Variants in SPDL1 observed in about 807,000 individuals in gnomAD.
SPDL1 encodes the protein spindle apparatus coiled-coil protein 1, also known as protein Spindly.
In SPDL1, 85 loss-of-function variants were observed where a neutral mutation model predicts 79.5. The ratio of observed to expected loss-of-function variants is 1.07; its 90% confidence interval spans 0.90 to 1.28. The LOEUF (loss-of-function observed/expected upper bound fraction) is 1.28. Ranked by LOEUF, SPDL1 falls within the 50% of genes most tolerant of loss-of-function variation. The pLI, the probability that SPDL1 is intolerant of heterozygous loss-of-function variation, is 0.00. For synonymous variants in SPDL1, 269 were observed against 240.3 expected (o/e 1.12, Z -1.10); for missense variants, 703 against 697.8 (o/e 1.01, Z -0.08).
chr5:169,592,506 C>T (rs932918978), intron 3 of SPDL1, among the ~76,000 whole-genome samples: 5 of 152,060 alleles, frequency 3.3e-5, no homozygotes, highest in African/African-American at 7.2e-5. Flanking sequence ...TGAGCCACTG[C>T]GCCTGGCCAA....
intron 10 of SPDL1, 27 bp from the exon 11 acceptor site, chr5:169,601,253 C>T (rs1230086440): frequency 2.6e-6 from 4 of 1,563,548 alleles, no homozygotes; most frequent in South Asian, 1.2e-5. Flanking sequence ...TAGATTTTTT[C>T]TTTTCCCCAC....
intron 3 of SPDL1, among the ~76,000 whole-genome samples, chr5:169,592,377 C>T (rs991514291): frequency 1.3e-5 from 2 of 151,750 alleles, no homozygotes; most frequent in Non-Finnish European, 2.9e-5. Flanking sequence ...GCCACCACGC[C>T]CAGCTAATTT....
chr5:169,591,239 G>A lies in SPDL1; in HGVS notation c.336+15G>A, dbSNP rs369828167. On this transcript the variant is annotated intron_variant, in intron 3 of 11. Coordinates refer to ENST00000265295, the MANE Select transcript of SPDL1 (RefSeq NM_017785.5). ...TAAAAACTAAGGTTGGGATATCTGCGTATTTCAGCACAAAATATTCCATAT... is the reference window on the plus strand; with the variant it reads ...TAAAAACTAAGGTTGGGATATCTGCATATTTCAGCACAAAATATTCCATAT... 19 of 1,605,472 alleles carry A rather than the reference G, an allele frequency of 1.2e-5. No individual in the cohort carries two copies. The African/African-American group carries it at 1.7e-4, about 15-fold the overall frequency.
intron 11 of SPDL1, among the ~76,000 whole-genome samples, chr5:169,602,224 A>G (rs763644061): frequency 4.6e-5 from 7 of 152,258 alleles, no homozygotes; most frequent in Non-Finnish European, 7.3e-5. Flanking sequence ...GAAGGAATTA[A>G]TGTCCCAAGG....
intron 11 of SPDL1, chr5:169,602,111 T>TATCAAA (rs1227110770): frequency 2.2e-5 from 4 of 180,764 alleles, no homozygotes; most frequent in Non-Finnish European, 4.7e-5. Flanking sequence ...CATTTTTACA[T>TATCAAA]ATCAAAGCTA....
chr5:169,599,163 T>C lies in SPDL1; in HGVS notation c.1324+4T>C. The C allele has an allele frequency of 7.0e-7, 1 of 1,424,072 alleles. No homozygotes were observed. The highest frequency in any genetic ancestry group is 9.5e-7 in the Non-Finnish European group (1 of 1,051,566). The allele number at this position is 1,424,072 out of a possible 1,614,324, so 88.2% of individuals were successfully genotyped here. On this transcript the variant is annotated splice_donor_region_variant and intron_variant, in intron 10 of 11. Coordinates refer to ENST00000265295, the MANE Select transcript of SPDL1 (RefSeq NM_017785.5). The stretch of plus-strand genomic sequence containing the variant: ...AAACTAAAATATGAACCTGAAGGTA[T>C]ATATGTCTCATATATTTTTGTCTTT...
At chr5:169,591,259 C>A in intron 3 of SPDL1, 35 bp downstream of exon 3, 1 of 1,585,582 alleles carries the variant, frequency 6.3e-7, no homozygotes, top group South Asian at 1.1e-5. Flanking sequence ...ACAAAATATT[C>A]CATATTTATG....
chr5:169,598,911 A>G, intron 9 of SPDL1, 61 bp from the exon 10 acceptor site: 1 of 1,482,144 alleles, frequency 6.7e-7, no homozygotes. Context: ...AAATATTTAT[A>G]CCACTACACT....
Position 169,588,566 on chromosome 5 carries a change from C to A in SPDL1, c.150C>A (p.Thr50=). The A allele has an allele frequency of 6.2e-7, 1 of 1,611,592 alleles. No homozygotes were observed. The highest frequency in any genetic ancestry group is 1.1e-5 in the South Asian group (1 of 90,488). ...QLDKCRNEMM[T]MTESYEQEKY... is the part of the protein sequence containing the mutation. ...ATAAATGTCGTAATGAAATGATGACCATGACTGAGGTAGGACTCTGGACTC... is the reference window on the plus strand; with the variant it reads ...ATAAATGTCGTAATGAAATGATGACAATGACTGAGGTAGGACTCTGGACTC... The change falls in exon 2 of 12, where the codon ACC becomes ACA. Residue 50 remains threonine (T), a synonymous_variant. Coordinates refer to ENST00000265295, the MANE Select transcript of SPDL1 (RefSeq NM_017785.5).
Position 169,596,630 on chromosome 5 carries a change from G to C in SPDL1, c.961G>C (p.Ala321Pro). 6.2e-7 allele frequency: 1 copy of C among 1,608,060 alleles called. No individual in the cohort carries two copies. The highest frequency in any genetic ancestry group is 1.1e-5 in the South Asian group (1 of 89,784). Residue 321 changes from alanine (A) to proline (P), a missense_variant, in exon 8 of 12, where the codon GCC (alanine) becomes CCC (proline). Ala to Pro is a conservative substitution (Grantham distance 27). Coordinates refer to ENST00000265295, the MANE Select transcript of SPDL1 (RefSeq NM_017785.5). Reference protein sequence around the residue: ...TEFEQQERLLAMLEQKNGEIK... With the variant: ...TEFEQQERLLPMLEQKNGEIK... ...ATTTGAGCAGCAGGAACGGTTGCTT[G>C]CCATGTTGGAGCAGAAGAATGGTGA...
rs1383238127 is a variant in SPDL1 at position 169,598,580 on chromosome 5, G to T, written c.1136+1G>T. 1.3e-6 allele frequency: 2 copies of T among 1,598,834 alleles called. No homozygotes were observed. The highest frequency in any genetic ancestry group is 1.1e-5 in the South Asian group (1 of 90,710). The stretch of plus-strand genomic sequence containing the variant: ...TTCAGATGAAGCTGGATAACTTAAA[G>T]TAAGTGTCTGGGTTGGTGGATGGAA... On this transcript the variant is annotated splice_donor_variant, in intron 9 of 11. Coordinates refer to ENST00000265295, the MANE Select transcript of SPDL1 (RefSeq NM_017785.5). LOFTEE classifies it high-confidence loss of function.
At chr5:169,599,966 A>G (rs187420697) in intron 10 of SPDL1, among the ~76,000 whole-genome samples, 2 of 152,284 alleles carry the variant, frequency 1.3e-5, no homozygotes, top group Admixed American at 6.5e-5. Context: ...AATATCTAGC[A>G]AGTCTAATGA....
chr5:169,599,623 G>C (rs184648608), intron 10 of SPDL1, among the ~76,000 whole-genome samples: 2 of 152,122 alleles, frequency 1.3e-5, no homozygotes, highest in Non-Finnish European at 2.9e-5. Context: ...AGCACTCCAC[G>C]GTATCAAGAT....
chr5:169,598,610 G>T, intron 9 of SPDL1, 31 bp downstream of exon 9: 1 of 1,519,316 alleles, frequency 6.6e-7, no homozygotes, highest in South Asian at 1.1e-5. Flanking sequence ...ATGGAAAGAT[G>T]AACATGTCAC....
In SPDL1 at chr5:169,604,483, A is replaced by G. The variant is rs1432992370; in HGVS notation, c.*276A>G. The G allele has an allele frequency of 5.0e-6, 1 of 199,584 alleles. No individual in the cohort carries two copies. The highest frequency in any genetic ancestry group is 6.0e-5 in the Admixed American group (1 of 16,764). 12.4% of individuals were successfully genotyped at this position (199,584 alleles called of 1,614,324 possible). A position where few individuals can be genotyped will look rare whatever the true frequency, so the allele number is the denominator to read the frequency against. On this transcript the variant is annotated 3_prime_UTR_variant, in exon 12 of 12. Transcript: ENST00000265295. ...TTAATGTATCTATTTGCTGCATTGT[A>G]TATGGATTAAATGATAAAAAACAAG...
intron 11 of SPDL1, chr5:169,602,159 GT>G: frequency 5.9e-6 from 1 of 168,142 alleles, no homozygotes; most frequent in Non-Finnish European, 1.3e-5. Flanking sequence ...AAAGCCTCTA[GT>G]TTCTGCATAA....
intron 1 of SPDL1, chr5:169,586,324 C>CG (rs1300922102): frequency 6.6e-6 from 1 of 152,338 alleles, no homozygotes; most frequent in African/African-American, 2.4e-5. Flanking sequence ...CCTTAATACA[C>CG]TGTTTATTGC....
intron 8 of SPDL1, 88 bp downstream of exon 8, chr5:169,596,789 TA>T: frequency 1.8e-6 from 2 of 1,123,154 alleles, no homozygotes; most frequent in East Asian, 2.8e-5. Flanking sequence ...AAATTATTAA[TA>T]AATATCTTGT....
At chr5:169,603,605 C>T (rs541884137) in intron 11 of SPDL1, among the ~76,000 whole-genome samples, 220 of 152,224 alleles carry the variant, frequency 1.4e-3, no homozygotes, top group African/African-American at 5.1e-3. Flanking sequence ...CCTGTAATCC[C>T]GGCACTTTGG....
Sources: allele counts gnomAD v4.1 joint callset (sites outside exome capture counted in the v4.1 genomes callset), GRCh38; gene constraint gnomAD v4.1.1; transcripts MANE v1.5; gene names NCBI Gene and HGNC (gene_info 2026-07-23, HGNC 2026-07-21).